Variants in PRAP1 observed in about 807,000 individuals in gnomAD.
PRAP1 encodes proline rich acidic protein 1.
In PRAP1, 12 loss-of-function variants were observed where a neutral mutation model predicts 14.6. That is an observed-to-expected ratio of 0.82 (90% CI 0.53 to 1.33). The LOEUF (loss-of-function observed/expected upper bound fraction) is 1.33. Among genes scored for constraint, PRAP1 ranks in the 40% most tolerant of loss-of-function variants. PRAP1 has a pLI of 0.00. For synonymous variants in PRAP1, 81 were observed against 80.3 expected (o/e 1.01, Z -0.04); for missense variants, 160 against 193.7 (o/e 0.83, Z 1.03).
intron 1 of PRAP1, among the ~76,000 whole-genome samples, 154 bp from the exon 2 acceptor site, chr10:133,349,941 G>A (rs189392101): frequency 2.0e-5 from 3 of 152,310 alleles, no homozygotes; most frequent in Admixed American, 1.3e-4. Context: ...CTGTGCCTGC[G>A]TGTCTTGGCC....
At chr10:133,349,969 G>GT (rs1848651606) in intron 1 of PRAP1, 126 bp from the exon 2 acceptor site, 1 of 777,076 alleles carries the variant, frequency 1.3e-6, no homozygotes, top group African/African-American at 1.7e-5. Context: ...GCACAGTCCA[G>GT]TAAAACTACC....
intron 1 of PRAP1, among the ~76,000 whole-genome samples, chr10:133,348,090 C>A (rs1310670970): frequency 6.6e-6 from 1 of 152,206 alleles, no homozygotes; most frequent in African/African-American, 2.4e-5. Flanking sequence ...CCACGGGGAT[C>A]CCACAGCCAG....
Position 133,352,624 on chromosome 10 carries a change from G to A in PRAP1, c.*184G>A. The A allele has an allele frequency of 3.4e-6, 2 of 581,166 alleles. No individual in the cohort carries two copies. Among genetic ancestry groups the A allele is most frequent in the Admixed American group, 3.1e-5 (1 of 32,212 alleles). 36.0% of individuals were successfully genotyped at this position (581,166 alleles called of 1,614,324 possible). On this transcript the variant is annotated 3_prime_UTR_variant, in exon 5 of 5. Coordinates refer to ENST00000433452, the MANE Select transcript of PRAP1 (RefSeq NM_145202.5). Reference sequence around the variant, plus strand: ...GGATCACCTGAAATCAGGAGTTCCAGACCAGCCTGGGCAACATGGTGAAAC... The same window carrying A: ...GGATCACCTGAAATCAGGAGTTCCAAACCAGCCTGGGCAACATGGTGAAAC...
rs4838727 is a variant in PRAP1, at chr10:133,351,822, G to A, written c.129-185G>A. ...GCTCCCCACGCAGCCACCCAGGGAC[G>A]TGGTGTGGAAGCCTGGCCGGGAGCA... On this transcript the variant is annotated intron_variant, in intron 3 of 4. Coordinates refer to ENST00000433452, the MANE Select transcript of PRAP1 (RefSeq NM_145202.5). This position sits in a 1 kb window ranked among gnomAD's most constrained non-coding sequence, Gnocchi z 4.3. Among the ~76,000 whole-genome samples the A allele has an allele frequency of 0.84, 128,217 of 152,216 alleles. 57,215 individuals are homozygous for A. The highest frequency in any genetic ancestry group is 0.98 in the East Asian group (5,085 of 5,170).
At position 133,351,268 on chromosome 10, in the gene PRAP1, C is replaced by T; in HGVS notation, c.76-113C>T. 2.9e-6 allele frequency: 2 copies of T among 685,854 alleles called. No homozygotes were observed. The highest frequency in any genetic ancestry group is 5.1e-6 in the Non-Finnish European group (2 of 395,350). 42.5% of individuals were successfully genotyped at this position (685,854 alleles called of 1,614,324 possible). A position where few individuals can be genotyped will look rare whatever the true frequency, so the allele number is the denominator to read the frequency against. On this transcript the variant is annotated intron_variant, in intron 2 of 4. Transcript: ENST00000433452. The surrounding 1 kb of genome is among the most constrained non-coding windows in gnomAD (Gnocchi z 4.3). ...GCTGAGCTGGCCCTGCCCCCACCCC[C>T]TGCAGCCACCTCCACCCCATGCAGC...
chr10:133,347,375 T>G lies in PRAP1; in HGVS notation c.-43T>G. 6.2e-7 allele frequency: 1 copy of G among 1,612,394 alleles called. No homozygotes were observed. The highest frequency in any genetic ancestry group is 8.5e-7 in the Non-Finnish European group (1 of 1,179,010). The stretch of plus-strand genomic sequence containing the variant: ...GGTGCCAGATACTGGGATCAGCCAC[T>G]GCAGCTCCCTGAGCACTCTCTACAG... On this transcript the variant is annotated 5_prime_UTR_variant, in exon 1 of 5. Transcript: ENST00000433452. This position sits in a 1 kb window ranked among gnomAD's most constrained non-coding sequence, Gnocchi z 5.0.
chr10:133,350,539 A>G (rs1449391581), intron 2 of PRAP1: 1 of 209,154 alleles, frequency 4.8e-6, no homozygotes, highest in Non-Finnish European at 9.6e-6. Flanking sequence ...AGATGAACCC[A>G]TGTGACCCAG....
rs916757557 is a variant in PRAP1 at position 133,351,948 on chromosome 10, C to T, written c.129-59C>T. 73 of 1,581,778 alleles carry T rather than the reference C, an allele frequency of 4.6e-5. No individual in the cohort carries two copies. Among genetic ancestry groups the T allele is most frequent in the South Asian group, 5.7e-5 (5 of 87,078 alleles). On this transcript the variant is annotated intron_variant, in intron 3 of 4. Transcript: ENST00000433452. The surrounding 1 kb of genome is among the most constrained non-coding windows in gnomAD (Gnocchi z 4.3). Reference sequence around the variant, plus strand: ...CCCTGGGATGGTGGGCACCCTCCTGCGGGGGGTTCTGTCCACCTCCCCCAC... The same window carrying T: ...CCCTGGGATGGTGGGCACCCTCCTGTGGGGGGTTCTGTCCACCTCCCCCAC...
rs750052040 is a variant in PRAP1 at position 133,352,434 on chromosome 10, C to G, written c.450C>G (p.Pro150=). The change falls in exon 5 of 5, where the codon CCC becomes CCG. Residue 150 remains proline, a synonymous_variant. Transcript: ENST00000433452. The part of the protein sequence containing the change: ...PEEDQDHIYH[P]Q The stretch of plus-strand genomic sequence containing the variant: ...AAGACCAAGACCACATCTACCACCC[C>G]CAGTAGGGCTCCAGGGGCCATCACT... 15 of 1,612,244 alleles carry G rather than the reference C, an allele frequency of 9.3e-6. No individual in the cohort carries two copies. The South Asian group carries it at 1.3e-4, about 14-fold the overall frequency.
chr10:133,348,420 C>T (rs1051748215), intron 1 of PRAP1, among the ~76,000 whole-genome samples: 2 of 152,210 alleles, frequency 1.3e-5, no homozygotes, highest in African/African-American at 2.4e-5. Flanking sequence ...AGCTGCAATC[C>T]AGGCCTGCAG....
rs1848686533 is a variant in PRAP1, at chr10:133,351,958, T to C, written c.129-49T>C. 2 of 1,597,434 alleles carry C rather than the reference T, an allele frequency of 1.3e-6. No homozygotes were observed. Among genetic ancestry groups the C allele is most frequent in the South Asian group, 2.2e-5 (2 of 89,422 alleles). The stretch of plus-strand genomic sequence containing the variant: ...GTGGGCACCCTCCTGCGGGGGGTTC[T>C]GTCCACCTCCCCCACCTGCATGTGG... On this transcript the variant is annotated intron_variant, in intron 3 of 4. Transcript: ENST00000433452. The surrounding 1 kb of genome is among the most constrained non-coding windows in gnomAD (Gnocchi z 4.3).
chr10:133,351,703 G>A lies in PRAP1; in HGVS notation c.128+270G>A, dbSNP rs574437990. Reference sequence around the variant, plus strand: ...CCTCCAGGGCAGCTTGTGCTCCACGGCTGGTGGCTGTAGCTGGGGCGGCTC... The same window carrying A: ...CCTCCAGGGCAGCTTGTGCTCCACGACTGGTGGCTGTAGCTGGGGCGGCTC... On this transcript the variant is annotated intron_variant, in intron 3 of 4. Transcript: ENST00000433452. The surrounding 1 kb of genome is among the most constrained non-coding windows in gnomAD (Gnocchi z 4.3). Among the ~76,000 whole-genome samples, 1 of 152,306 alleles carries A rather than the reference G, an allele frequency of 6.6e-6. No homozygotes were observed. Among genetic ancestry groups the A allele is most frequent in the African/African-American group, 2.4e-5 (1 of 41,560 alleles).
Position 133,352,510 on chromosome 10 carries a change from C to T in PRAP1, c.*70C>T, listed in dbSNP as rs1848698724. 2.2e-6 allele frequency: 3 copies of T among 1,377,134 alleles called. No homozygotes were observed. The highest frequency in any genetic ancestry group is 3.0e-6 in the Non-Finnish European group (3 of 990,324). The allele number at this position is 1,377,134 out of a possible 1,614,324, so 85.3% of individuals were successfully genotyped here. A position where few individuals can be genotyped will look rare whatever the true frequency, so the allele number is the denominator to read the frequency against. Reference sequence around the variant, plus strand: ...GCTGTTGGGACTGGGACCCTCCCTACCCTGCCCCAGCTAGACAAATAAACC... The same window carrying T: ...GCTGTTGGGACTGGGACCCTCCCTATCCTGCCCCAGCTAGACAAATAAACC... On this transcript the variant is annotated 3_prime_UTR_variant, in exon 5 of 5. Coordinates refer to ENST00000433452, the MANE Select transcript of PRAP1 (RefSeq NM_145202.5).
chr10:133,350,452 A>G, intron 2 of PRAP1: 1 of 364,462 alleles, frequency 2.7e-6, no homozygotes, highest in Non-Finnish European at 5.0e-6. Flanking sequence ...GTGGGTCCAG[A>G]TGAGCCCCCG....
At chr10:133,348,088 A>T (rs893883362) in intron 1 of PRAP1, among the ~76,000 whole-genome samples, 4 of 152,006 alleles carry the variant, frequency 2.6e-5, no homozygotes, top group Non-Finnish European at 4.4e-5. Context: ...ACCCACGGGG[A>T]TCCCACAGCC....
Position 133,350,092 on chromosome 10 carries a change from C to G in PRAP1, c.9-3C>G, listed in dbSNP as rs761271273. ...CACACTTCCCTCTCTGGCCCCCCCTCAGGCTCCTCCTGGTCACCAGCCTGG... is the reference window on the plus strand; with the variant it reads ...CACACTTCCCTCTCTGGCCCCCCCTGAGGCTCCTCCTGGTCACCAGCCTGG... On this transcript the variant is annotated splice_region_variant and splice_polypyrimidine_tract_variant and intron_variant, in intron 1 of 4. Transcript: ENST00000433452. 7 of 1,613,264 alleles carry G rather than the reference C, an allele frequency of 4.3e-6. 1 individual carries two copies. In the South Asian group the frequency reaches 7.7e-5, roughly 18 times the overall value.
chr10:133,350,796 A>G, intron 2 of PRAP1: 1 of 155,244 alleles, frequency 6.4e-6, no homozygotes, highest in East Asian at 1.9e-4. Flanking sequence ...GCATGGGCAC[A>G]GCCCCCCCAC....
Position 133,347,462 on chromosome 10 carries a change from AC to A in PRAP1, c.8+40del. The A allele has an allele frequency of 6.3e-7, 1 of 1,591,268 alleles. No individual in the cohort carries two copies. Among genetic ancestry groups the A allele is most frequent in the Non-Finnish European group, 8.6e-7 (1 of 1,167,692 alleles). On this transcript the variant is annotated intron_variant, in intron 1 of 4. Transcript: ENST00000433452. The surrounding 1 kb of genome is among the most constrained non-coding windows in gnomAD (Gnocchi z 5.0). ...ATCCCTGAGCCCCAATCCCCACCCC[AC>A]CCAAACCTGGAGGCCTGGCCCTTAG...
chr10:133,347,566 C>G lies in PRAP1; in HGVS notation c.8+141C>G. Reference sequence around the variant, plus strand: ...TGCGGGTGGGAGGGAGAAGGAGGGGCCCTCTGAGGGTCTGGGGTCTGCCAC... The same window carrying G: ...TGCGGGTGGGAGGGAGAAGGAGGGGGCCTCTGAGGGTCTGGGGTCTGCCAC... On this transcript the variant is annotated intron_variant, in intron 1 of 4. Transcript: ENST00000433452. This position sits in a 1 kb window ranked among gnomAD's most constrained non-coding sequence, Gnocchi z 5.0. 1.2e-6 allele frequency: 1 copy of G among 851,146 alleles called. No individual in the cohort carries two copies. Among genetic ancestry groups the G allele is most frequent in the Non-Finnish European group, 1.8e-6 (1 of 561,358 alleles). 52.7% of individuals were successfully genotyped at this position (851,146 alleles called of 1,614,324 possible).
Sources: gnomAD v4.1 joint callset for allele counts (sites outside exome capture counted in the v4.1 genomes callset) on GRCh38, gnomAD v4.1.1 for gene constraint, Gnocchi (gnomAD v3.1) non-coding constraint, MANE v1.5 for transcripts, NCBI Gene and HGNC (gene_info 2026-07-23, HGNC 2026-07-21) for gene names.